The following TP63 variants were observed in gnomAD, a reference collection of about 807,000 sequenced individuals.
TP63 encodes tumor protein p63.
A neutral mutation model predicts 82.8 loss-of-function variants in TP63; 17 were observed. The ratio of observed to expected loss-of-function variants is 0.21; its 90% confidence interval spans 0.14 to 0.31. TP63 has a LOEUF of 0.31. Ranked by LOEUF, TP63 falls within the 10% of genes least tolerant of loss-of-function variation. The pLI is 1.00. For synonymous variants in TP63, 330 were observed against 321.7 expected, an observed-to-expected ratio of 1.03 and a Z score of -0.28; for missense variants, 648 against 895.3, an observed-to-expected ratio of 0.72 and a Z score of 3.52.
intron 1 of TP63, among the ~76,000 whole-genome samples, chr3:189,661,936 G>T (rs1029322281): frequency 6.6e-5 from 10 of 151,900 alleles, no homozygotes; most frequent in African/African-American, 2.4e-4. Context: ...TTTTGATTGC[G>T]CTTATTTGGA....
At chr3:189,839,334 G>A (rs540714705) in intron 4 of TP63, among the ~76,000 whole-genome samples, 8 of 152,224 alleles carry the variant, frequency 5.3e-5, no homozygotes, top group South Asian at 4.2e-4. Flanking sequence ...GAGGGATTAC[G>A]GTTTAAATAT....
intron 4 of TP63, among the ~76,000 whole-genome samples, chr3:189,854,355 C>T (rs776377271): frequency 6.6e-6 from 1 of 152,138 alleles, no homozygotes; most frequent in African/African-American, 2.4e-5. Context: ...TTCATCCTCC[C>T]GAGTAGCTGG....
rs1354130308 is a variant in TP63, at chr3:189,858,228, ACCCCG to A, written c.580-6003_580-5999del. 2.4e-3 allele frequency among the ~76,000 whole-genome samples: 86 copies of A among 35,156 alleles called. 29 individuals are homozygous for A. The highest frequency in any genetic ancestry group is 5.5e-3 in the African/African-American group (34 of 6,202). The allele number at this position is 35,156 out of a possible 152,430, so 23.1% of individuals were successfully genotyped here. On this transcript the variant is annotated intron_variant, in intron 4 of 13. Transcript: ENST00000264731. ...AGACCATCCTGGCTAACACGGTGAA[ACCCCG>A]TCTCTACTAAAAATACAAAAAATTA...
chr3:189,736,623 A>G (rs1720615433), intron 1 of TP63, among the ~76,000 whole-genome samples: 1 of 151,964 alleles, frequency 6.6e-6, no homozygotes, highest in South Asian at 2.1e-4. Context: ...TACACTTTTT[A>G]TTTCCAGTTT....
chr3:189,862,895 G>T (rs560928594), intron 4 of TP63, among the ~76,000 whole-genome samples: 1 of 152,194 alleles, frequency 6.6e-6, no homozygotes, highest in Non-Finnish European at 1.5e-5. Context: ...GGACATGGAG[G>T]ACTGATTTTG....
intron 3 of TP63, among the ~76,000 whole-genome samples, chr3:189,777,146 C>T (rs1386062066): frequency 6.6e-6 from 1 of 152,066 alleles, no homozygotes; most frequent in Admixed American, 6.6e-5. Flanking sequence ...CTCTATCTTC[C>T]ATCTCATGTC....
At chr3:189,774,261 T>C (rs1383911762) in intron 3 of TP63, among the ~76,000 whole-genome samples, 2 of 152,162 alleles carry the variant, frequency 1.3e-5, no homozygotes, top group East Asian at 1.9e-4. Flanking sequence ...TTGCTGAATA[T>C]GAAACAAAAA....
chr3:189,643,354 C>T (rs1051469889), intron 1 of TP63, among the ~76,000 whole-genome samples: 2 of 151,978 alleles, frequency 1.3e-5, no homozygotes, highest in Admixed American at 6.6e-5. Flanking sequence ...TAAATGTTTC[C>T]ATTAGAACCC....
chr3:189,849,639 T>C (rs181832941), intron 4 of TP63, among the ~76,000 whole-genome samples: 265 of 152,306 alleles, frequency 1.7e-3, no homozygotes, highest in Non-Finnish European at 2.9e-3. Context: ...TGCTTTTTTT[T>C]CAAGACATGT....
the TP63 span, among the ~76,000 whole-genome samples, chr3:189,611,507 C>T: frequency 6.6e-6 from 1 of 152,110 alleles, no homozygotes; most frequent in Non-Finnish European, 1.5e-5. Flanking sequence ...GTCTATGTGT[C>T]TGTTTATGTA....
intron 7 of TP63, among the ~76,000 whole-genome samples, 165 bp downstream of exon 7, chr3:189,868,107 G>A (rs1286874692): frequency 6.6e-6 from 1 of 152,152 alleles, no homozygotes; most frequent in Non-Finnish European, 1.5e-5. Flanking sequence ...CTAAGAAAGT[G>A]GAGACAAAGG....
At chr3:189,881,448 T>C in intron 10 of TP63, 1 of 985,440 alleles carries the variant, frequency 1.0e-6, no homozygotes, top group Non-Finnish European at 1.2e-6. Context: ...GCTGTTGCTT[T>C]TGTGGATGTG....
At chr3:189,801,772 C>G (rs1726331081) in intron 3 of TP63, among the ~76,000 whole-genome samples, 1 of 152,186 alleles carries the variant, frequency 6.6e-6, no homozygotes, top group African/African-American at 2.4e-5. Context: ...TGTCAGAACA[C>G]AGGACATCTA....
Position 189,871,869 on chromosome 3 carries a change from G to A in TP63, c.1213-990G>A, listed in dbSNP as rs529378763. 2.0e-4 allele frequency among the ~76,000 whole-genome samples: 31 copies of A among 152,220 alleles called. No homozygotes were observed. In the South Asian group the frequency reaches 6.2e-3, roughly 31 times the overall value. ...CCCAGGTAGCTGGGACCACAGGTGT[G>A]GGCCACCACGCCCACTAATTTTTGC... On this transcript the variant is annotated intron_variant, in intron 9 of 13. Coordinates refer to ENST00000264731, the MANE Select transcript of TP63 (RefSeq NM_003722.5).
At chr3:189,613,889 G>A in the TP63 span, among the ~76,000 whole-genome samples, 7 of 152,112 alleles carry the variant, frequency 4.6e-5, no homozygotes, top group Admixed American at 2.0e-4. Context: ...CTCTTATTTG[G>A]AACAGCTGTA....
intron 9 of TP63, among the ~76,000 whole-genome samples, chr3:189,869,771 T>C (rs760883766): frequency 1.6e-4 from 25 of 151,846 alleles, no homozygotes; most frequent in South Asian, 4.2e-4. Flanking sequence ...CCACTCTCAT[T>C]ACCTAAATTA....
At chr3:189,889,142 G>A (rs1720757825) in intron 11 of TP63, among the ~76,000 whole-genome samples, 198 bp from the exon 12 acceptor site, 1 of 152,240 alleles carries the variant, frequency 6.6e-6, no homozygotes, top group African/African-American at 2.4e-5. Context: ...AAGTCAAGAG[G>A]TGCCTAATTA....
At chr3:189,745,103 T>C (rs1721267483) in intron 3 of TP63, among the ~76,000 whole-genome samples, 2 of 152,188 alleles carry the variant, frequency 1.3e-5, no homozygotes, top group South Asian at 4.1e-4. Flanking sequence ...TCATAGATAA[T>C]GTCTTCAGGA....
intron 1 of TP63, among the ~76,000 whole-genome samples, chr3:189,642,536 CTA>C (rs1230158744): frequency 6.6e-6 from 1 of 151,666 alleles, no homozygotes; most frequent in African/African-American, 2.4e-5. Context: ...CTAACTTAAT[CTA>C]TATGTCTATT....
Sources: allele counts gnomAD v4.1 joint callset (sites outside exome capture counted in the v4.1 genomes callset), GRCh38; gene constraint gnomAD v4.1.1; transcripts MANE v1.5; gene names NCBI Gene and HGNC (gene_info 2026-07-23, HGNC 2026-07-21).